HPCAL1: variants seen among roughly 807,000 people sequenced by gnomAD.
HPCAL1 encodes hippocalcin-like protein 1.
A neutral mutation model predicts 17.1 loss-of-function variants in HPCAL1; 8 were observed. The ratio of observed to expected loss-of-function variants is 0.47; its 90% confidence interval spans 0.27 to 0.84. The LOEUF is 0.84. Ranked by LOEUF, HPCAL1 falls within the 40% of genes least tolerant of loss-of-function variation. HPCAL1 has a pLI of 0.13. For synonymous variants in HPCAL1, 112 were observed against 111.4 expected (o/e 1.01, Z -0.03); for missense variants, 165 against 271.1 (o/e 0.61, Z 2.75).
At chr2:10,375,201 T>C (rs987589160) in intron 1 of HPCAL1, among the ~76,000 whole-genome samples, 5 of 152,286 alleles carry the variant, frequency 3.3e-5, no homozygotes, top group African/African-American at 1.2e-4. Context: ...AGGCCCTGGC[T>C]GGATGCATAT....
At chr2:10,357,542 T>C (rs1666233854) in intron 1 of HPCAL1, among the ~76,000 whole-genome samples, 1 of 152,198 alleles carries the variant, frequency 6.6e-6, no homozygotes, top group African/African-American at 2.4e-5. Flanking sequence ...TCGTCGCCTG[T>C]GACAGCGTTT....
At chr2:10,374,358 G>A (rs1312648636) in intron 1 of HPCAL1, among the ~76,000 whole-genome samples, 1 of 151,522 alleles carries the variant, frequency 6.6e-6, no homozygotes, top group Non-Finnish European at 1.5e-5. Flanking sequence ...CACACACAGT[G>A]GTGTGCAGCC....
rs145380971 is a variant in HPCAL1 at position 10,328,620 on chromosome 2, T to C, written c.-111+25443T>C. The stretch of plus-strand genomic sequence containing the variant: ...CTCTTGGACATGGAGCTCCCGGTTC[T>C]CAGGCCTCTGGGCTTGAGCTGGAGT... On this transcript the variant is annotated intron_variant, in intron 1 of 4. Coordinates refer to ENST00000307845, the MANE Select transcript of HPCAL1 (RefSeq NM_002149.4). Among the ~76,000 whole-genome samples the C allele has an allele frequency of 2.4e-4, 37 of 152,334 alleles. No individual in the cohort carries two copies. In the East Asian group the frequency reaches 7.1e-3, roughly 29 times the overall value.
chr2:10,319,570 A>AGGTGGGGTGG (rs57294658), intron 1 of HPCAL1, among the ~76,000 whole-genome samples: 1 of 31,346 alleles, frequency 3.2e-5, no homozygotes, highest in African/African-American at 6.8e-5. Context: ...GCTGACGGGC[A>AGGTGGGGTGG]GGTGGGGTGG....
chr2:10,334,321 TG>T (rs1215281537), intron 1 of HPCAL1, among the ~76,000 whole-genome samples: 2 of 138,792 alleles, frequency 1.4e-5, no homozygotes, highest in East Asian at 2.8e-4. Context: ...TGTTTTGTTT[TG>T]TTTTGTTTTT....
chr2:10,370,655 C>T (rs1285397766), intron 1 of HPCAL1, among the ~76,000 whole-genome samples: 1 of 152,230 alleles, frequency 6.6e-6, no homozygotes. Flanking sequence ...GATGGGGCCA[C>T]TGCTGGCATT....
intron 1 of HPCAL1, among the ~76,000 whole-genome samples, chr2:10,335,473 A>C (rs11891604): frequency 0.2 from 31,068 of 152,122 alleles, 3,947 homozygotes; most frequent in African/African-American, 0.36. Context: ...TGAAAACAGC[A>C]AAGGGGAACC....
At position 10,353,944 on chromosome 2, in the gene HPCAL1, C is replaced by A. The variant is rs563839362; in HGVS notation, c.-110-42891C>A. On this transcript the variant is annotated intron_variant, in intron 1 of 4. Transcript: ENST00000307845. ...CTGCCCTCATGCAGCAGGCAGAGATCTGCTGACCCCTGGTCTAGAATGTGG... is the reference window on the plus strand; with the variant it reads ...CTGCCCTCATGCAGCAGGCAGAGATATGCTGACCCCTGGTCTAGAATGTGG... 4.6e-5 allele frequency among the ~76,000 whole-genome samples: 7 copies of A among 152,322 alleles called. No homozygotes were observed. The South Asian group carries it at 1.4e-3, about 32-fold the overall frequency.
At chr2:10,388,129 A>G (rs934430564) in intron 1 of HPCAL1, among the ~76,000 whole-genome samples, 30 of 152,290 alleles carry the variant, frequency 2.0e-4, no homozygotes, top group African/African-American at 7.0e-4. Context: ...GCCAAGACAG[A>G]CAGCAGACAG....
chr2:10,317,606 C>T (rs777876082), intron 1 of HPCAL1, among the ~76,000 whole-genome samples: 8 of 152,068 alleles, frequency 5.3e-5, no homozygotes, highest in East Asian at 1.9e-4. Context: ...TTAGCAGAGA[C>T]GGGGTTTCAC....
intron 1 of HPCAL1, among the ~76,000 whole-genome samples, chr2:10,383,126 A>G (rs983507273): frequency 1.3e-5 from 2 of 152,194 alleles, no homozygotes; most frequent in African/African-American, 2.4e-5. Context: ...TCATCCCAGC[A>G]CTTTGGGAAG....
At position 10,304,115 on chromosome 2, in the gene HPCAL1, T is replaced by C. The variant is rs1357773714; in HGVS notation, c.-111+938T>C. On this transcript the variant is annotated intron_variant, in intron 1 of 4. Coordinates refer to ENST00000307845, the MANE Select transcript of HPCAL1 (RefSeq NM_002149.4). The surrounding 1 kb of genome is among the most constrained non-coding windows in gnomAD (Gnocchi z 4.1). ...AAGTTTAGCTGCCAGCTGCGCTGCC[T>C]CCTGCAGCACCTCCCGGGCGGCGCC... Among the ~76,000 whole-genome samples, 1 of 152,136 alleles carries C rather than the reference T, an allele frequency of 6.6e-6. No homozygotes were observed. Among genetic ancestry groups the C allele is most frequent in the African/African-American group, 2.4e-5 (1 of 41,434 alleles).
In HPCAL1 at chr2:10,315,062, C is replaced by T. The variant is rs867798029; in HGVS notation, c.-111+11885C>T. On this transcript the variant is annotated intron_variant, in intron 1 of 4. Coordinates refer to ENST00000307845, the MANE Select transcript of HPCAL1 (RefSeq NM_002149.4). ...ATCCCAGCACTTTGGGAGGCCGAGG[C>T]GGGCGGATCATGAAGTCAGGAGATC... 3.0e-4 allele frequency among the ~76,000 whole-genome samples: 45 copies of T among 152,114 alleles called. 1 individual carries two copies. Among genetic ancestry groups the T allele is most frequent in the Middle Eastern group, 3.4e-3 (1 of 294 alleles).
chr2:10,422,446 C>T (rs1671123410), intron 3 of HPCAL1, among the ~76,000 whole-genome samples: 2 of 152,188 alleles, frequency 1.3e-5, no homozygotes, highest in African/African-American at 2.4e-5. Flanking sequence ...GGCAGAGACA[C>T]GCAGAGAGAC....
chr2:10,341,384 G>A (rs562945553), intron 1 of HPCAL1, among the ~76,000 whole-genome samples: 3 of 152,128 alleles, frequency 2.0e-5, no homozygotes, highest in Non-Finnish European at 2.9e-5. Context: ...CCAGGAAGTC[G>A]AGGCTGCAGT....
Position 10,377,398 on chromosome 2 carries a change from C to T in HPCAL1, c.-110-19437C>T, listed in dbSNP as rs974681442. Among the ~76,000 whole-genome samples, 3 of 152,218 alleles carry T rather than the reference C, an allele frequency of 2.0e-5. No individual in the cohort carries two copies. The highest frequency in any genetic ancestry group is 7.2e-5 in the African/African-American group (3 of 41,464). ...GCTTGCAAAGGTAACTGGCATTCTG[C>T]CGGCTGCTCAACTCTGTGGACACCA... On this transcript the variant is annotated intron_variant, in intron 1 of 4. Coordinates refer to ENST00000307845, the MANE Select transcript of HPCAL1 (RefSeq NM_002149.4). The surrounding 1 kb of genome is among the most constrained non-coding windows in gnomAD (Gnocchi z 5.9).
At chr2:10,312,604 CCAT>C (rs1230058202) in intron 1 of HPCAL1, among the ~76,000 whole-genome samples, 1 of 148,208 alleles carries the variant, frequency 6.7e-6, no homozygotes, top group African/African-American at 2.5e-5. Context: ...ATCATCATCA[CCAT>C]CACCACCATT....
intron 1 of HPCAL1, among the ~76,000 whole-genome samples, chr2:10,375,984 C>G (rs192509562): frequency 6.6e-6 from 1 of 152,304 alleles, no homozygotes; most frequent in African/African-American, 2.4e-5. Context: ...TTGATTGGAT[C>G]AGGGGGGCAG....
intron 1 of HPCAL1, among the ~76,000 whole-genome samples, chr2:10,357,396 T>G (rs1666224378): frequency 6.6e-6 from 1 of 152,232 alleles, no homozygotes; most frequent in Non-Finnish European, 1.5e-5. Context: ...TCTGAGGCCA[T>G]GTCTTTACCT....
Sources: allele counts gnomAD v4.1 joint callset (sites outside exome capture counted in the v4.1 genomes callset), GRCh38; gene constraint gnomAD v4.1.1; non-coding constraint Gnocchi (gnomAD v3.1); transcripts MANE v1.5; gene names NCBI Gene and HGNC (gene_info 2026-07-23, HGNC 2026-07-21).